Variants in PKNOX2 observed in about 807,000 individuals in gnomAD.
The protein encoded by PKNOX2 is PBX/knotted 1 homeobox 2, also known as homeobox protein PKNOX2.
In PKNOX2, 14 loss-of-function variants were observed where a neutral mutation model predicts 53.1. The observed-to-expected ratio is 0.26, with a 90% CI of 0.17 to 0.41. The LOEUF (loss-of-function observed/expected upper bound fraction) is 0.41, where lower values mean the gene tolerates loss of function less well. Among genes scored for constraint, PKNOX2 ranks in the 10% least tolerant of loss-of-function variants. The probability of loss-of-function intolerance (pLI) is 1.00; values close to 1 mark genes in which losing one functional copy is unlikely to be tolerated. For synonymous variants in PKNOX2, 257 were observed against 242.8 expected (o/e 1.06, Z -0.54); for missense variants, 496 against 602.8 (o/e 0.82, Z 1.85).
At chr11:125,229,775 CA>C (rs925442519) in intron 1 of PKNOX2, among the ~76,000 whole-genome samples, 3 of 152,040 alleles carry the variant, frequency 2.0e-5, no homozygotes, top group Non-Finnish European at 4.4e-5. Context: ...TCCATGGGGC[CA>C]GGGGGGGCTT....
At chr11:125,209,844 C>A (rs184849425) in intron 1 of PKNOX2, among the ~76,000 whole-genome samples, 1 of 152,012 alleles carries the variant, frequency 6.6e-6, no homozygotes, top group East Asian at 1.9e-4. Flanking sequence ...TTATACCCAC[C>A]CTGGTGTCAT....
chr11:125,211,030 G>T (rs1052725887), intron 1 of PKNOX2, among the ~76,000 whole-genome samples: 5 of 152,156 alleles, frequency 3.3e-5, no homozygotes, highest in African/African-American at 1.2e-4. Context: ...ATGAGACGAT[G>T]CTTGTCGGTC....
At chr11:125,260,838 G>C (rs982286124) in intron 2 of PKNOX2, among the ~76,000 whole-genome samples, 8 of 152,148 alleles carry the variant, frequency 5.3e-5, no homozygotes, top group Non-Finnish European at 1.0e-4. Context: ...AACACCACAT[G>C]CTAGATTCTG....
intron 1 of PKNOX2, among the ~76,000 whole-genome samples, chr11:125,224,406 C>T (rs1941501214): frequency 1.3e-5 from 2 of 152,198 alleles, no homozygotes; most frequent in African/African-American, 4.8e-5. Context: ...TCGGAGGAGC[C>T]ATGCGCAGGT....
chr11:125,202,065 C>T (rs1477094156), intron 1 of PKNOX2, among the ~76,000 whole-genome samples: 1 of 152,234 alleles, frequency 6.6e-6, no homozygotes, highest in Non-Finnish European at 1.5e-5. Flanking sequence ...GTCCGTGCGG[C>T]TGGGACTCCC....
intron 2 of PKNOX2, among the ~76,000 whole-genome samples, chr11:125,247,774 G>A (rs977889376): frequency 6.6e-6 from 1 of 152,070 alleles, no homozygotes; most frequent in Non-Finnish European, 1.5e-5. Context: ...TCAGGATATG[G>A]GATCTCCAGA....
In PKNOX2 at chr11:125,240,597, T is replaced by G. The variant is rs1161404647; in HGVS notation, c.-130+5482T>G. Among the ~76,000 whole-genome samples, 1 of 152,140 alleles carries G rather than the reference T, an allele frequency of 6.6e-6. No individual in the cohort carries two copies. The highest frequency in any genetic ancestry group is 2.4e-5 in the African/African-American group (1 of 41,438). On this transcript the variant is annotated intron_variant, in intron 2 of 12. Transcript: ENST00000298282. This position sits in a 1 kb window ranked among gnomAD's most constrained non-coding sequence, Gnocchi z 4.3. ...ACCCAAATCGCCTTTCTTCATCCAC[T>G]GAAATGCAGTTCTAAATCCTTGTCC...
chr11:125,421,452 G>A (rs1196633743), intron 10 of PKNOX2, among the ~76,000 whole-genome samples: 1 of 152,244 alleles, frequency 6.6e-6, no homozygotes, highest in Non-Finnish European at 1.5e-5. Flanking sequence ...GCATGGTGTA[G>A]CGCAAGGAGC....
chr11:125,428,773 T>C (rs1956553314), intron 10 of PKNOX2, among the ~76,000 whole-genome samples: 1 of 152,162 alleles, frequency 6.6e-6, no homozygotes, highest in African/African-American at 2.4e-5. Context: ...GGCTCCCCAT[T>C]GTGGGGGCTT....
chr11:125,259,516 TG>T (rs1465511755), intron 2 of PKNOX2, among the ~76,000 whole-genome samples: 1 of 152,184 alleles, frequency 6.6e-6, no homozygotes, highest in African/African-American at 2.4e-5. Flanking sequence ...TGTTGTACCC[TG>T]GCCCCCCTGC....
chr11:125,360,247 G>A (rs1407833336), intron 4 of PKNOX2, among the ~76,000 whole-genome samples: 1 of 152,136 alleles, frequency 6.6e-6, no homozygotes, highest in African/African-American at 2.4e-5. Flanking sequence ...TGGGAGGTGT[G>A]TGGGGGTTTA....
At chr11:125,219,368 G>T (rs533511241) in intron 1 of PKNOX2, among the ~76,000 whole-genome samples, 46 of 151,884 alleles carry the variant, frequency 3.0e-4, no homozygotes, top group Non-Finnish European at 5.6e-4. Flanking sequence ...AACCTGGGAG[G>T]CAGAGGTTGC....
intron 2 of PKNOX2, among the ~76,000 whole-genome samples, chr11:125,244,578 G>A (rs955702459): frequency 2.6e-5 from 4 of 152,196 alleles, no homozygotes; most frequent in African/African-American, 9.7e-5. Context: ...CCCAGCCCCA[G>A]GCAGCCTCAG....
chr11:125,395,902 G>C (rs937187294), intron 6 of PKNOX2, among the ~76,000 whole-genome samples: 1 of 150,354 alleles, frequency 6.7e-6, no homozygotes, highest in African/African-American at 2.4e-5. Context: ...AGGGTCTTTT[G>C]AAGAGTAAAC....
intron 1 of PKNOX2, among the ~76,000 whole-genome samples, chr11:125,180,750 G>C (rs1198425383): frequency 2.0e-5 from 3 of 152,234 alleles, no homozygotes; most frequent in Non-Finnish European, 1.5e-5. Flanking sequence ...CATGGCCTGA[G>C]GGGCTGTAAT....
At chr11:125,272,847 A>T (rs1411097916) in intron 2 of PKNOX2, among the ~76,000 whole-genome samples, 2 of 152,130 alleles carry the variant, frequency 1.3e-5, no homozygotes, top group Non-Finnish European at 2.9e-5. Context: ...GAGAGAATTG[A>T]CTTCTCCGCC....
chr11:125,345,355 C>A (rs1950914053), intron 3 of PKNOX2, among the ~76,000 whole-genome samples: 1 of 152,060 alleles, frequency 6.6e-6, no homozygotes, highest in Admixed American at 6.5e-5. Context: ...CATGGTGCAT[C>A]CTCTCTCTCC....
At chr11:125,189,517 C>T (rs2135335773) in intron 1 of PKNOX2, among the ~76,000 whole-genome samples, 1 of 134,498 alleles carries the variant, frequency 7.4e-6, no homozygotes, top group South Asian at 2.5e-4. Context: ...AGGGGTAGCC[C>T]TGCCCCATCA....
intron 7 of PKNOX2, among the ~76,000 whole-genome samples, chr11:125,401,293 C>T (rs564219046): frequency 3.9e-5 from 6 of 152,046 alleles, no homozygotes; most frequent in African/African-American, 1.4e-4. Context: ...GAAGGACAGA[C>T]GGAGAGAGGA....
Sources: allele counts gnomAD v4.1 joint callset (sites outside exome capture counted in the v4.1 genomes callset), GRCh38; gene constraint gnomAD v4.1.1; non-coding constraint Gnocchi (gnomAD v3.1); transcripts MANE v1.5; gene names NCBI Gene and HGNC (gene_info 2026-07-23, HGNC 2026-07-21).